Variants in CHST9 observed in about 807,000 individuals in gnomAD.
CHST9 encodes GalNAc-4-sulfotransferase 2.
CHST9 carries 41 observed loss-of-function variants against 44.4 expected under a neutral mutation model. The observed-to-expected ratio is 0.92, with a 90% CI of 0.72 to 1.20. CHST9 has a LOEUF of 1.20. Ranked by LOEUF, CHST9 falls within the 50% of genes most tolerant of loss-of-function variation. The pLI is 0.00. For missense variants in CHST9, 504 were observed against 516.5 expected, an observed-to-expected ratio of 0.98 and a Z score of 0.23; for synonymous variants, 171 against 178.4, an observed-to-expected ratio of 0.96 and a Z score of 0.33.
chr18:27,177,909 C>T (rs886613491), intron 1 of CHST9, among the ~76,000 whole-genome samples: 4 of 151,928 alleles, frequency 2.6e-5, no homozygotes, highest in Admixed American at 6.6e-5. Context: ...ATTTCACTGC[C>T]TATATAGATC....
In CHST9 at chr18:27,038,574, G is replaced by T. The variant is rs543680237; in HGVS notation, c.160+9891C>A. 3.9e-5 allele frequency among the ~76,000 whole-genome samples: 6 copies of T among 152,224 alleles called. No homozygotes were observed. The South Asian group carries it at 1.2e-3, about 32-fold the overall frequency. ...AACTTCCAGCAAGGGCTTCAGTTCT[G>T]CAGTGTCCACTATGGTAGCTGCTGG... On this transcript the variant is annotated intron_variant, in intron 3 of 5. Coordinates refer to ENST00000618847, the MANE Select transcript of CHST9 (RefSeq NM_031422.6).
At chr18:27,067,695 C>T (rs565504446) in intron 2 of CHST9, among the ~76,000 whole-genome samples, 1 of 152,198 alleles carries the variant, frequency 6.6e-6, no homozygotes, top group South Asian at 2.1e-4. Flanking sequence ...GGAGTGGTTA[C>T]TGTGAGTTTT....
At chr18:27,004,242 G>A (rs181473330) in intron 4 of CHST9, among the ~76,000 whole-genome samples, 5 of 152,094 alleles carry the variant, frequency 3.3e-5, no homozygotes, top group South Asian at 2.1e-4. Context: ...TTCCTCAGGC[G>A]AGGATTAAGG....
At chr18:27,179,559 AGTG>A (rs2143979222) in intron 1 of CHST9, among the ~76,000 whole-genome samples, 1 of 152,192 alleles carries the variant, frequency 6.6e-6, no homozygotes, top group East Asian at 1.9e-4. Flanking sequence ...TGGTGGTGGT[AGTG>A]GTGGTGTGCT....
chr18:27,065,316 G>A (rs2057769332), intron 2 of CHST9, among the ~76,000 whole-genome samples: 1 of 152,118 alleles, frequency 6.6e-6, no homozygotes, highest in Admixed American at 6.6e-5. Flanking sequence ...TAACCACTGT[G>A]TGCAAATAGA....
At chr18:27,153,320 A>G (rs1488425291) in intron 1 of CHST9, among the ~76,000 whole-genome samples, 3 of 152,132 alleles carry the variant, frequency 2.0e-5, no homozygotes, top group Non-Finnish European at 4.4e-5. Flanking sequence ...GTATTCTGTT[A>G]CAGTTCTGGA....
At chr18:27,020,299 A>T (rs999473037) in intron 4 of CHST9, among the ~76,000 whole-genome samples, 1 of 152,164 alleles carries the variant, frequency 6.6e-6, no homozygotes, top group African/African-American at 2.4e-5. Flanking sequence ...GTAATGTGCC[A>T]TGGGGCAATC....
At chr18:27,028,194 G>A (rs2057303064) in intron 3 of CHST9, among the ~76,000 whole-genome samples, 1 of 152,184 alleles carries the variant, frequency 6.6e-6, no homozygotes, top group African/African-American at 2.4e-5. Flanking sequence ...GATTACAGAT[G>A]TGAGCCACCA....
intron 2 of CHST9, among the ~76,000 whole-genome samples, chr18:27,067,875 A>T (rs1206780711): frequency 6.6e-6 from 1 of 152,154 alleles, no homozygotes; most frequent in Non-Finnish European, 1.5e-5. Flanking sequence ...GCAGATATTT[A>T]AAATAATCTG....
At chr18:27,065,888 A>C (rs974202098) in intron 2 of CHST9, among the ~76,000 whole-genome samples, 1 of 152,214 alleles carries the variant, frequency 6.6e-6, no homozygotes, top group South Asian at 2.1e-4. Context: ...TGAGGGTGGC[A>C]AAAGTTTATG....
intron 2 of CHST9, among the ~76,000 whole-genome samples, chr18:27,114,540 G>A (rs1598734622): frequency 6.6e-6 from 1 of 152,274 alleles, no homozygotes; most frequent in Non-Finnish European, 1.5e-5. Context: ...GCACAGAGTT[G>A]TACAACCATC....
At chr18:27,120,327 G>A (rs1388343616) in intron 2 of CHST9, among the ~76,000 whole-genome samples, 1 of 152,156 alleles carries the variant, frequency 6.6e-6, no homozygotes, top group East Asian at 1.9e-4. Context: ...CAGTAGCAGA[G>A]TTTCCTCATA....
intron 3 of CHST9, among the ~76,000 whole-genome samples, chr18:27,025,569 G>C (rs1408694834): frequency 6.6e-6 from 1 of 152,050 alleles, no homozygotes; most frequent in African/African-American, 2.4e-5. Flanking sequence ...ATTTTTAATT[G>C]TCTTGTTATG....
intron 2 of CHST9, among the ~76,000 whole-genome samples, chr18:27,068,502 T>G (rs2057805627): frequency 6.6e-6 from 1 of 152,232 alleles, no homozygotes; most frequent in South Asian, 2.1e-4. Context: ...CAGTGAAAGA[T>G]GGCGATAACT....
At chr18:27,147,081 T>G (rs1164735500) in intron 1 of CHST9, among the ~76,000 whole-genome samples, 1 of 152,102 alleles carries the variant, frequency 6.6e-6, no homozygotes, top group Non-Finnish European at 1.5e-5. Context: ...TTTATTTTTT[T>G]GAGATGGAGT....
intron 4 of CHST9, among the ~76,000 whole-genome samples, chr18:26,957,183 C>T (rs1481203576): frequency 6.6e-6 from 1 of 152,138 alleles, no homozygotes; most frequent in Non-Finnish European, 1.5e-5. Flanking sequence ...ACTGAAGGAA[C>T]AATGCCCTGA....
At chr18:27,181,263 T>C (rs2058909771) in intron 1 of CHST9, among the ~76,000 whole-genome samples, 1 of 152,192 alleles carries the variant, frequency 6.6e-6, no homozygotes, top group Admixed American at 6.5e-5. Context: ...AAACAAGATA[T>C]TTCATGCTAT....
rs918040321 is a variant in CHST9, at chr18:26,913,854, A to G, written c.*2405T>C. On this transcript the variant is annotated 3_prime_UTR_variant, in exon 6 of 6. Coordinates refer to ENST00000618847, the MANE Select transcript of CHST9 (RefSeq NM_031422.6). ...AATGGAGTTTGGCTTTAAACTCACA[A>G]GTAATCCAGGATGATGACTGGCTTC... 6.6e-6 allele frequency: 1 copy of G among 152,242 alleles called. No individual in the cohort carries two copies. Among genetic ancestry groups the G allele is most frequent in the African/African-American group, 2.4e-5 (1 of 41,468 alleles). The allele number at this position is 152,242 out of a possible 1,614,324, so 9.4% of individuals were successfully genotyped here.
intron 2 of CHST9, among the ~76,000 whole-genome samples, chr18:27,054,191 C>G (rs1374135317): frequency 2.0e-5 from 3 of 152,002 alleles, no homozygotes; most frequent in Non-Finnish European, 4.4e-5. Context: ...AAAGTACAAC[C>G]AAGAATAGAG....
Sources: gnomAD v4.1 joint callset for allele counts (sites outside exome capture counted in the v4.1 genomes callset) on GRCh38, gnomAD v4.1.1 for gene constraint, MANE v1.5 for transcripts, NCBI Gene and HGNC (gene_info 2026-07-23, HGNC 2026-07-21) for gene names.